The following STK17B variants were observed in gnomAD, a reference collection of about 807,000 sequenced individuals.
The protein encoded by STK17B is serine/threonine kinase 17b, also known as serine/threonine-protein kinase 17B.
A neutral mutation model predicts 42.0 loss-of-function variants in STK17B; 21 were observed. That is an observed-to-expected ratio of 0.50 (90% CI 0.35 to 0.72). The LOEUF is 0.72. Among genes scored for constraint, STK17B ranks in the 30% least tolerant of loss-of-function variants. The pLI, the probability that STK17B is intolerant of heterozygous loss-of-function variation, is 0.00. For synonymous variants in STK17B, 143 were observed against 148.4 expected (o/e 0.96, Z 0.26); for missense variants, 349 against 446.0 (o/e 0.78, Z 1.96).
At chr2:196,169,223 G>A (rs1699908019) in intron 1 of STK17B, among the ~76,000 whole-genome samples, 2 of 151,912 alleles carry the variant, frequency 1.3e-5, no homozygotes, top group Admixed American at 6.5e-5. Flanking sequence ...CTACAGGCGC[G>A]CGCCACAATG....
rs1274569930 is a variant in STK17B at position 196,137,229 on chromosome 2, A to G, written c.*218T>C. 8.3e-6 allele frequency: 4 copies of G among 481,250 alleles called. No homozygotes were observed. The Admixed American group carries it at 1.2e-4, about 14-fold the overall frequency. 29.8% of individuals were successfully genotyped at this position (481,250 alleles called of 1,614,324 possible). On this transcript the variant is annotated 3_prime_UTR_variant, in exon 8 of 8. Coordinates refer to ENST00000263955, the MANE Select transcript of STK17B (RefSeq NM_004226.4). ...CACATGTACAATTTTACTTTTTGTC[A>G]TATATTTAAATATTTTCTTATCTGC... is the stretch of plus-strand genomic sequence containing the variant.
intron 1 of STK17B, among the ~76,000 whole-genome samples, chr2:196,165,938 A>T (rs921597033): frequency 7.2e-5 from 11 of 152,334 alleles, no homozygotes; most frequent in African/African-American, 2.6e-4. Flanking sequence ...TCTAAACTTC[A>T]TTCTTAAAAG....
At chr2:196,146,452 C>T (rs1172930250) in intron 3 of STK17B, among the ~76,000 whole-genome samples, 1 of 151,858 alleles carries the variant, frequency 6.6e-6, no homozygotes, top group Non-Finnish European at 1.5e-5. Context: ...TGCAGTGAGC[C>T]GAGATGGCAC....
chr2:196,142,453 A>G (rs1261410765), intron 5 of STK17B, among the ~76,000 whole-genome samples: 1 of 148,118 alleles, frequency 6.8e-6, no homozygotes, highest in African/African-American at 2.5e-5. Flanking sequence ...TTCACTTGCC[A>G]AAAAAAAAAG....
chr2:196,145,544 T>C (rs1177694117), intron 4 of STK17B, among the ~76,000 whole-genome samples: 2 of 152,148 alleles, frequency 1.3e-5, no homozygotes, highest in East Asian at 3.8e-4. Context: ...TAGCAGGATT[T>C]ATTTTCAGAG....
At chr2:196,159,810 C>G (rs1294857357) in intron 2 of STK17B, among the ~76,000 whole-genome samples, 1 of 152,126 alleles carries the variant, frequency 6.6e-6, no homozygotes, top group Non-Finnish European at 1.5e-5. Flanking sequence ...ACTGAAATAT[C>G]TGTTGAATGA....
At chr2:196,144,688 G>A (rs1487047312) in intron 4 of STK17B, among the ~76,000 whole-genome samples, 2 of 151,992 alleles carry the variant, frequency 1.3e-5, no homozygotes, top group African/African-American at 4.8e-5. Flanking sequence ...AGAGGGCATA[G>A]TACACCTCAT....
At position 196,135,829 on chromosome 2, in the gene STK17B, T is replaced by C. The variant is rs1305796271; in HGVS notation, c.*1618A>G. The C allele has an allele frequency of 8.6e-6, 1 of 116,394 alleles. No homozygotes were observed. The highest frequency in any genetic ancestry group is 1.8e-5 in the Non-Finnish European group (1 of 55,974). The allele number at this position is 116,394 out of a possible 1,614,324, so 7.2% of individuals were successfully genotyped here. On this transcript the variant is annotated 3_prime_UTR_variant, in exon 8 of 8. Coordinates refer to ENST00000263955, the MANE Select transcript of STK17B (RefSeq NM_004226.4). ...CCTTTGGCACCTGAGTTGAGCACAA[T>C]ATACCACAGCAAAGAATCTTGAAAA...
chr2:196,159,010 CAA>C (rs5837492), intron 2 of STK17B, among the ~76,000 whole-genome samples: 3 of 127,580 alleles, frequency 2.4e-5, no homozygotes, highest in Non-Finnish European at 3.3e-5. Flanking sequence ...GACTGTGTCT[CAA>C]AAAAAAAAAA....
At position 196,147,302 on chromosome 2, in the gene STK17B, G is replaced by GTACC. The variant is rs111335796; in HGVS notation, c.336-1248_336-1247insGGTA. ...CACTGCTACAACCACATCAAGAACA[G>GTACC]TATCTAGCATGCACTGCAGTAGGTG... is the stretch of plus-strand genomic sequence containing the variant. On this transcript the variant is annotated intron_variant, in intron 3 of 7. Coordinates refer to ENST00000263955, the MANE Select transcript of STK17B (RefSeq NM_004226.4). 1.7e-3 allele frequency among the ~76,000 whole-genome samples: 250 copies of GTACC among 151,410 alleles called. 1 individual carries two copies. The highest frequency in any genetic ancestry group is 5.9e-3 in the African/African-American group (242 of 41,244).
intron 3 of STK17B, chr2:196,154,968 C>T (rs947019588): frequency 2.0e-5 from 3 of 152,164 alleles, no homozygotes; most frequent in Admixed American, 1.3e-4. Context: ...GGTAAGGTAC[C>T]TGAGTCAATT....
At chr2:196,148,073 A>G (rs921990385) in intron 3 of STK17B, among the ~76,000 whole-genome samples, 16 of 152,172 alleles carry the variant, frequency 1.1e-4, no homozygotes, top group African/African-American at 3.6e-4. Flanking sequence ...TGATAAAGAT[A>G]ATCTGAGTAT....
rs1032242724 is a variant in STK17B at position 196,137,622 on chromosome 2, T to C, written c.944A>G (p.Asp315Gly). 1 of 1,614,120 alleles carries C rather than the reference T, an allele frequency of 6.2e-7. No individual in the cohort carries two copies. The highest frequency in any genetic ancestry group is 8.5e-7 in the Non-Finnish European group (1 of 1,179,996). ...EETSSSSQTQ[D>G]HSVRSSEDKT... Reference sequence around the variant, plus strand: ...GTCTTCAGAGGACCTTACAGAATGATCCTGAGTTTGAGAGGAACTGGAAGT... The same window carrying C: ...GTCTTCAGAGGACCTTACAGAATGACCCTGAGTTTGAGAGGAACTGGAAGT... The change falls in exon 8 of 8, where the codon GAT becomes GGT. Residue 315 changes from aspartate (D) to glycine (G), a missense_variant. Physicochemically the swap from Asp to Gly is moderately conservative, Grantham distance 94. This residue lies in a region of STK17B where 87 missense variants were observed against 78.8 expected (regional missense o/e 1.10). Transcript: ENST00000263955.
chr2:196,152,778 T>C (rs1699683176), intron 3 of STK17B, among the ~76,000 whole-genome samples: 1 of 152,176 alleles, frequency 6.6e-6, no homozygotes, highest in African/African-American at 2.4e-5. Context: ...AGTTTGCTTA[T>C]ATATGCAAGA....
intron 3 of STK17B, among the ~76,000 whole-genome samples, chr2:196,147,741 T>C (rs1162024613): frequency 6.6e-6 from 1 of 151,408 alleles, no homozygotes; most frequent in Non-Finnish European, 1.5e-5. Context: ...AATATATTTT[T>C]TTTTTTTTTG....
At chr2:196,146,660 G>A (rs943139227) in intron 3 of STK17B, among the ~76,000 whole-genome samples, 9 of 151,960 alleles carry the variant, frequency 5.9e-5, no homozygotes, top group Admixed American at 4.6e-4. Flanking sequence ...AGCTCTTTGT[G>A]CTCTCCTCAT....
At chr2:196,170,780 T>C in intron 1 of STK17B, 1 of 152,232 alleles carries the variant, frequency 6.6e-6, no homozygotes, top group East Asian at 1.9e-4. Flanking sequence ...TCGCTGGTTT[T>C]AAAACACTGT....
chr2:196,168,951 G>A (rs1011771972), intron 1 of STK17B, among the ~76,000 whole-genome samples: 1 of 152,004 alleles, frequency 6.6e-6, no homozygotes, highest in Non-Finnish European at 1.5e-5. Flanking sequence ...TGGAAAGGTA[G>A]TAGATAAATG....
chr2:196,153,231 T>C (rs1699690518), intron 3 of STK17B: 1 of 85,340 alleles, frequency 1.2e-5, no homozygotes. Flanking sequence ...TAATGGACTA[T>C]AGTCTAAGTG....
Sources: gnomAD v4.1 joint callset for allele counts (sites outside exome capture counted in the v4.1 genomes callset) on GRCh38, gnomAD v4.1.1 for gene constraint, gnomAD v4.1.1 regional missense constraint, MANE v1.5 for transcripts, NCBI Gene and HGNC (gene_info 2026-07-23, HGNC 2026-07-21) for gene names.